SAMMSON: variants seen among roughly 807,000 people sequenced by gnomAD.
SAMMSON encodes the protein survival associated mitochondrial melanoma specific oncogenic non-coding RNA, also known as long intergenic non-protein coding RNA 1212.
chr3:70,134,559 T>C (rs1325628367), intron 4 of SAMMSON, among the ~76,000 whole-genome samples: 1 of 152,078 alleles, frequency 6.6e-6, no homozygotes, highest in Non-Finnish European at 1.5e-5. Context: ...TGACTTAACT[T>C]GCATGCTTTA....
At chr3:70,187,531 G>A (rs1020879965) in intron 4 of SAMMSON, among the ~76,000 whole-genome samples, 2 of 139,572 alleles carry the variant, frequency 1.4e-5, no homozygotes, top group African/African-American at 2.7e-5. Context: ...TCCGCCTCCC[G>A]GGTTCACGCC....
At chr3:70,431,133 CG>C (rs1701409616) in intron 2 of SAMMSON, among the ~76,000 whole-genome samples, 1 of 151,956 alleles carries the variant, frequency 6.6e-6, no homozygotes, top group Non-Finnish European at 1.5e-5. Flanking sequence ...TAAAAACTTA[CG>C]AGAGTATATG....
intron 4 of SAMMSON, among the ~76,000 whole-genome samples, chr3:70,173,596 A>G (rs1700979804): frequency 1.3e-5 from 2 of 151,948 alleles, no homozygotes; most frequent in South Asian, 4.1e-4. Context: ...GAGAATTTAT[A>G]TATGCTCAAA....
chr3:70,269,430 A>G (rs1187713578), intron 6 of SAMMSON, among the ~76,000 whole-genome samples: 1 of 152,192 alleles, frequency 6.6e-6, no homozygotes, highest in Non-Finnish European at 1.5e-5. Context: ...AAAGGCAGTC[A>G]ACTGTTCTAA....
intron 6 of SAMMSON, among the ~76,000 whole-genome samples, chr3:70,289,933 C>G (rs373095262): frequency 0.068 from 10,260 of 151,082 alleles, 522 homozygotes; most frequent in East Asian, 0.26. Flanking sequence ...GCACTTCTCT[C>G]TATTGGTTAT....
intron 7 of SAMMSON, among the ~76,000 whole-genome samples, chr3:70,302,214 A>T (rs973967514): frequency 1.3e-5 from 2 of 152,166 alleles, no homozygotes; most frequent in Non-Finnish European, 2.9e-5. Context: ...TTATGCCTGT[A>T]GAGTGATGTC....
intron 4 of SAMMSON, among the ~76,000 whole-genome samples, chr3:70,232,182 A>G (rs148683703): frequency 6.6e-6 from 1 of 152,300 alleles, no homozygotes; most frequent in East Asian, 1.9e-4. Context: ...GGAAGAATAA[A>G]TATTGATCTG....
chr3:70,167,687 C>A (rs1241513140), intron 4 of SAMMSON, among the ~76,000 whole-genome samples: 3 of 151,844 alleles, frequency 2.0e-5, no homozygotes, highest in Non-Finnish European at 4.4e-5. Context: ...CTTGCTAGCA[C>A]AAAGAGCGTT....
intron 3 of SAMMSON, among the ~76,000 whole-genome samples, chr3:70,024,529 G>A (rs1423965925): frequency 1.3e-5 from 2 of 152,182 alleles, no homozygotes; most frequent in African/African-American, 4.8e-5. Context: ...GAGCCAGTAA[G>A]CAGCAAAGCC....
chr3:70,296,327 A>G (rs1256302683), intron 7 of SAMMSON, among the ~76,000 whole-genome samples: 1 of 152,124 alleles, frequency 6.6e-6, no homozygotes, highest in African/African-American at 2.4e-5. Context: ...TTACTAAGTA[A>G]GAGACTGAAA....
rs148178840 is a variant in SAMMSON, at chr3:70,235,219, G to A, written n.508-13888G>A. ...CACAAAAGATGTGTCTTCATCAACC[G>A]TCGTTCTCTTTCCTTGCATCTTCAG... On this transcript the variant is annotated intron_variant and non_coding_transcript_variant, in intron 4 of 9. Transcript: ENST00000642114. Among the ~76,000 whole-genome samples the A allele has an allele frequency of 1.8e-3, 272 of 152,198 alleles. 1 individual carries two copies. Among genetic ancestry groups the A allele is most frequent in the Admixed American group, 3.5e-3 (53 of 15,292 alleles).
intron 4 of SAMMSON, among the ~76,000 whole-genome samples, chr3:70,165,581 A>G (rs1019248128): frequency 6.6e-6 from 1 of 151,884 alleles, no homozygotes; most frequent in Non-Finnish European, 1.5e-5. Flanking sequence ...CAAGCTACCC[A>G]TTTTATGGTA....
chr3:70,402,982 A>G (rs1049064411), intron 2 of SAMMSON, among the ~76,000 whole-genome samples: 1 of 152,064 alleles, frequency 6.6e-6, no homozygotes, highest in South Asian at 2.1e-4. Context: ...TTTCTTAATC[A>G]ATATCATAGT....
intron 3 of SAMMSON, among the ~76,000 whole-genome samples, chr3:70,029,959 A>G (rs1243897413): frequency 1.3e-5 from 2 of 152,086 alleles, no homozygotes; most frequent in African/African-American, 4.8e-5. Flanking sequence ...TTGAATTCAT[A>G]TTTATTCCAG....
chr3:70,373,551 C>CT (rs908498215), intron 9 of SAMMSON, among the ~76,000 whole-genome samples: 14 of 152,082 alleles, frequency 9.2e-5, no homozygotes, highest in African/African-American at 3.4e-4. Context: ...TCTTTGGATA[C>CT]TTTTTCCAGC....
intron 4 of SAMMSON, among the ~76,000 whole-genome samples, chr3:70,187,957 G>A (rs1482004312): frequency 6.6e-6 from 1 of 152,112 alleles, no homozygotes. Context: ...AGCTCTCTGA[G>A]TGTTCACTTG....
At chr3:70,315,719 A>G (rs1702489326) in intron 7 of SAMMSON, among the ~76,000 whole-genome samples, 1 of 152,114 alleles carries the variant, frequency 6.6e-6, no homozygotes, top group South Asian at 2.1e-4. Flanking sequence ...TGGAATGAAC[A>G]AAGTGAACCC....
At chr3:70,257,991 G>A (rs1701832372) in intron 6 of SAMMSON, among the ~76,000 whole-genome samples, 1 of 152,198 alleles carries the variant, frequency 6.6e-6, no homozygotes, top group South Asian at 2.1e-4. Context: ...ATGGTCAATT[G>A]ATTTTTGACA....
chr3:70,262,384 A>G, intron 6 of SAMMSON, among the ~76,000 whole-genome samples: 1 of 152,180 alleles, frequency 6.6e-6, no homozygotes, highest in East Asian at 1.9e-4. Flanking sequence ...AATATAACGG[A>G]CAATAACTTC....
Sources: allele counts gnomAD v4.1 joint callset (sites outside exome capture counted in the v4.1 genomes callset), GRCh38; gene constraint gnomAD v4.1.1; transcripts MANE v1.5; gene names NCBI Gene and HGNC (gene_info 2026-07-23, HGNC 2026-07-21).